Variants in TSNAX observed in about 807,000 individuals in gnomAD.
The protein encoded by TSNAX is translin associated factor X, also known as translin-associated protein X.
TSNAX carries 12 observed loss-of-function variants against 33.0 expected under a neutral mutation model. That is an observed-to-expected ratio of 0.36 (90% confidence interval 0.23 to 0.59). The LOEUF (loss-of-function observed/expected upper bound fraction) is 0.59, where lower values mean the gene tolerates loss of function less well. Among genes scored for constraint, TSNAX ranks in the 20% least tolerant of loss-of-function variants. The pLI is 0.74. For missense variants in TSNAX, 267 were observed against 341.3 expected, an observed-to-expected ratio of 0.78 and a Z score of 1.72; for synonymous variants, 110 against 117.2, an observed-to-expected ratio of 0.94 and a Z score of 0.40.
rs533239841 is a variant in TSNAX at position 231,559,658 on chromosome 1, A to G, written c.368-1470A>G. Among the ~76,000 whole-genome samples, 4 of 152,242 alleles carry G rather than the reference A, an allele frequency of 2.6e-5. No homozygotes were observed. The East Asian group carries it at 5.8e-4, about 22-fold the overall frequency. On this transcript the variant is annotated intron_variant, in intron 4 of 5. Coordinates refer to ENST00000366639, the MANE Select transcript of TSNAX (RefSeq NM_005999.3). Reference sequence around the variant, plus strand: ...AGTAGTTGTTTTAAAACACTTGGAAAAGTATAGTACTGTAGACATGTAACA... The same window carrying G: ...AGTAGTTGTTTTAAAACACTTGGAAGAGTATAGTACTGTAGACATGTAACA...
chr1:231,563,886 C>T (rs565955430), intron 5 of TSNAX, among the ~76,000 whole-genome samples: 13 of 152,122 alleles, frequency 8.5e-5, no homozygotes, highest in East Asian at 7.7e-4. Context: ...TAATTTGTAG[C>T]GGTACAGACT....
In TSNAX at chr1:231,560,617, C is replaced by T. The variant is rs546371405; in HGVS notation, c.368-511C>T. 4.5e-3 allele frequency among the ~76,000 whole-genome samples: 689 copies of T among 151,662 alleles called. 3 individuals are homozygous for T. The highest frequency in any genetic ancestry group is 8.2e-3 in the Non-Finnish European group (555 of 67,910). On this transcript the variant is annotated intron_variant, in intron 4 of 5. Coordinates refer to ENST00000366639, the MANE Select transcript of TSNAX (RefSeq NM_005999.3). Reference sequence around the variant, plus strand: ...ATTTTTAGTAGAGATGGGGTTTCGCCATGTTGGCCAGGATGGTCTCAAACT... The same window carrying T: ...ATTTTTAGTAGAGATGGGGTTTCGCTATGTTGGCCAGGATGGTCTCAAACT...
At chr1:231,560,955 T>G (rs928265628) in intron 4 of TSNAX, among the ~76,000 whole-genome samples, 173 bp from the exon 5 acceptor site, 6 of 152,156 alleles carry the variant, frequency 3.9e-5, no homozygotes, top group African/African-American at 1.4e-4. Flanking sequence ...CCACCGCGCC[T>G]GGTCCCCAGG....
chr1:231,528,952 C>G (rs1270108487), intron 1 of TSNAX, 126 bp downstream of exon 1: 2 of 1,261,884 alleles, frequency 1.6e-6, no homozygotes, highest in Non-Finnish European at 2.3e-6. Context: ...GGGGCGGCCC[C>G]TCTGTTTCTC....
chr1:231,542,256 A>G (rs1461148661), intron 3 of TSNAX, among the ~76,000 whole-genome samples: 1 of 152,242 alleles, frequency 6.6e-6, no homozygotes, highest in Non-Finnish European at 1.5e-5. Flanking sequence ...TTTTATGAAC[A>G]AAATTTTTCT....
chr1:231,554,455 T>TC (rs1388537013), intron 4 of TSNAX, among the ~76,000 whole-genome samples: 4 of 152,180 alleles, frequency 2.6e-5, no homozygotes, highest in African/African-American at 4.8e-5. Context: ...CTGGGCATTG[T>TC]CCCCACCCTC....
chr1:231,546,128 C>T (rs190204159), intron 4 of TSNAX, among the ~76,000 whole-genome samples: 1 of 152,122 alleles, frequency 6.6e-6, no homozygotes, highest in Non-Finnish European at 1.5e-5. Context: ...ATCTCTCTTT[C>T]CCTTACTAGA....
At chr1:231,537,382 CTG>C (rs1572106350) in intron 3 of TSNAX, 55 bp downstream of exon 3, 5 of 1,194,110 alleles carry the variant, frequency 4.2e-6, no homozygotes, top group Non-Finnish European at 6.1e-6. Context: ...TTAGAATATT[CTG>C]TGACTTTGTG....
chr1:231,558,640 C>G (rs997435941), intron 4 of TSNAX, among the ~76,000 whole-genome samples: 2 of 152,068 alleles, frequency 1.3e-5, no homozygotes, highest in South Asian at 4.1e-4. Flanking sequence ...TGCATCTTTA[C>G]GTTTTGCTGT....
At chr1:231,555,634 C>G (rs1353654054) in intron 4 of TSNAX, among the ~76,000 whole-genome samples, 2 of 152,070 alleles carry the variant, frequency 1.3e-5, no homozygotes, top group Non-Finnish European at 2.9e-5. Context: ...TTAAAAAAAT[C>G]AAACGAATTC....
Position 231,542,488 on chromosome 1 carries a change from G to A in TSNAX, c.244G>A (p.Asp82Asn), listed in dbSNP as rs761382545. The A allele has an allele frequency of 6.2e-6, 10 of 1,613,588 alleles. No individual in the cohort carries two copies. Among genetic ancestry groups the A allele is most frequent in the Non-Finnish European group, 8.5e-6 (10 of 1,179,830 alleles). The part of the protein sequence containing the change: ...FLLHRITSAP[D>N]MEDILTESEI... ...CCAATATCTTGATCATAGTGCTCCT[G>A]ATATGGAAGATATATTGACTGAATC... The change falls in exon 4 of 6, where the codon GAT becomes AAT. Residue 82 changes from aspartate to asparagine, a missense_variant. Asp to Asn is a conservative substitution (Grantham distance 23). Around this residue, in one of 2 missense-constraint regions of TSNAX, gnomAD observed 200 missense variants for 214.1 expected, o/e 0.93. Coordinates refer to ENST00000366639, the MANE Select transcript of TSNAX (RefSeq NM_005999.3).
At chr1:231,532,353 G>A (rs1238254970) in intron 2 of TSNAX, among the ~76,000 whole-genome samples, 1 of 151,834 alleles carries the variant, frequency 6.6e-6, no homozygotes, top group African/African-American at 2.4e-5. Context: ...CACCACACGT[G>A]GCTAGTTTTT....
chr1:231,560,518 G>T (rs1468606840), intron 4 of TSNAX, among the ~76,000 whole-genome samples: 1 of 139,100 alleles, frequency 7.2e-6, no homozygotes, highest in African/African-American at 2.7e-5. Context: ...GGGTTCAAGC[G>T]ATTCTCCTGC....
chr1:231,565,110 G>A lies in TSNAX; in HGVS notation c.*205G>A. The A allele has an allele frequency of 1.6e-6, 1 of 627,526 alleles. No individual in the cohort carries two copies. Among genetic ancestry groups the A allele is most frequent in the Non-Finnish European group, 2.6e-6 (1 of 388,416 alleles). 38.9% of individuals were successfully genotyped at this position (627,526 alleles called of 1,614,324 possible). A position where few individuals can be genotyped will look rare whatever the true frequency, so the allele number is the denominator to read the frequency against. ...TCTTATTCATGAAAGTTTGCATACAGATGTTTGCATATATGCCTTTTTGAA... is the reference window on the plus strand; with the variant it reads ...TCTTATTCATGAAAGTTTGCATACAAATGTTTGCATATATGCCTTTTTGAA... On this transcript the variant is annotated 3_prime_UTR_variant, in exon 6 of 6. Coordinates refer to ENST00000366639, the MANE Select transcript of TSNAX (RefSeq NM_005999.3).
intron 2 of TSNAX, chr1:231,534,093 T>C (rs1249986704): frequency 6.6e-6 from 1 of 152,234 alleles, no homozygotes; most frequent in Non-Finnish European, 1.5e-5. Context: ...TTGACAATGA[T>C]ATTGATTGAA....
chr1:231,539,494 G>C (rs1295083877), intron 3 of TSNAX, among the ~76,000 whole-genome samples: 2 of 152,160 alleles, frequency 1.3e-5, no homozygotes, highest in African/African-American at 2.4e-5. Context: ...CGGATTTTCA[G>C]ATTAGGGATG....
chr1:231,530,252 T>A (rs1658587100), intron 2 of TSNAX, among the ~76,000 whole-genome samples: 1 of 152,222 alleles, frequency 6.6e-6, no homozygotes, highest in South Asian at 2.1e-4. Flanking sequence ...TGTCTCACAT[T>A]GAAGAGGAAG....
intron 4 of TSNAX, among the ~76,000 whole-genome samples, chr1:231,557,893 T>C (rs1179146078): frequency 2.0e-5 from 3 of 152,114 alleles, no homozygotes; most frequent in Non-Finnish European, 4.4e-5. Flanking sequence ...GATGGTAATA[T>C]GAACAGGGAA....
intron 3 of TSNAX, among the ~76,000 whole-genome samples, chr1:231,542,242 A>G (rs576039685): frequency 6.8e-4 from 103 of 152,282 alleles, no homozygotes; most frequent in African/African-American, 2.4e-3. Context: ...TCCATATATC[A>G]TATTTTTATG....
Sources: gnomAD v4.1 joint callset for allele counts (sites outside exome capture counted in the v4.1 genomes callset) on GRCh38, gnomAD v4.1.1 for gene constraint, gnomAD v4.1.1 regional missense constraint, MANE v1.5 for transcripts, NCBI Gene and HGNC (gene_info 2026-07-23, HGNC 2026-07-21) for gene names.